The following COL4A6 variants were observed in gnomAD, a reference collection of about 807,000 sequenced individuals.
COL4A6 encodes collagen type IV alpha 6 chain, also known as collagen alpha-6(IV) chain.
A neutral mutation model predicts 126.7 loss-of-function variants in COL4A6; 59 were observed. That is an observed-to-expected ratio of 0.47 (90% CI 0.38 to 0.58). The LOEUF (loss-of-function observed/expected upper bound fraction) is 0.58. Among genes scored for constraint, COL4A6 ranks in the 20% least tolerant of loss-of-function variants. The probability of loss-of-function intolerance (pLI) is 0.00; values close to 1 mark genes in which losing one functional copy is unlikely to be tolerated. For synonymous variants in COL4A6, 547 were observed against 496.6 expected (o/e 1.10, Z -1.35); for missense variants, 1,285 against 1,337.3 (o/e 0.96, Z 0.61).
At chrX:108,177,155 C>A in intron 27 of COL4A6, 144 bp from the exon 28 acceptor site, 1 of 499,828 alleles carries the variant, frequency 2.0e-6, no homozygotes, top group Non-Finnish European at 3.3e-6. Context: ...ATGCAAACTG[C>A]TAACAGGCAG....
At chrX:108,202,847 G>T in intron 13 of COL4A6, 81 bp downstream of exon 13, 2 of 770,382 alleles carry the variant, frequency 2.6e-6, no homozygotes, top group South Asian at 4.3e-5. Flanking sequence ...ATGGGAAGAG[G>T]TCTTTCTGTT....
chrX:108,175,253 G>C, intron 29 of COL4A6, 38 bp from the exon 30 acceptor site: 2 of 1,136,686 alleles, frequency 1.8e-6, no homozygotes, highest in Non-Finnish European at 2.3e-6. Context: ...AGAGAGCTTA[G>C]ACGCAGGGTC....
rs759612766 is a variant in COL4A6 at position 108,187,954 on chromosome X, C to G, written c.1661G>C (p.Gly554Ala). Residue 554 changes from glycine to alanine, a missense_variant, in exon 22 of 45, where the codon GGA becomes GCA. By Grantham distance (60) the Gly-to-Ala change is moderately conservative. Transcript: ENST00000334504. ...AGAATCACCCCGATCTCCTGGCATT[C>G]CTTGGATTGTACTGAGAATTGGTTC... The part of the protein sequence containing the change: ...KGEPILSTIQ[G>A]MPGDRGDSGS... 8.3e-7 allele frequency: 1 copy of G among 1,209,263 alleles called. No homozygotes were observed. Among genetic ancestry groups the G allele is most frequent in the South Asian group, 1.8e-5 (1 of 56,293 alleles).
intron 3 of COL4A6, among the ~76,000 whole-genome samples, chrX:108,255,779 A>G (rs1295001322): frequency 9.0e-6 from 1 of 111,595 alleles, no homozygotes; most frequent in Non-Finnish European, 1.9e-5. Context: ...AACCACAGCC[A>G]AAACATCTGT....
At chrX:108,182,262 G>A (rs2034709481) in intron 23 of COL4A6, among the ~76,000 whole-genome samples, 2 of 112,528 alleles carry the variant, frequency 1.8e-5, no homozygotes, top group South Asian at 7.3e-4. Flanking sequence ...TTAGCACAGT[G>A]TCTAGCACTC....
At chrX:108,168,857 T>C (rs6524001) in intron 37 of COL4A6, among the ~76,000 whole-genome samples, 28,282 of 110,684 alleles carry the variant, frequency 0.26, 3,030 homozygotes, top group East Asian at 0.62. Context: ...GAGTGGAATG[T>C]ACACGGGTTT....
chrX:108,305,588 T>C (rs913191563), intron 3 of COL4A6, among the ~76,000 whole-genome samples: 1 of 111,778 alleles, frequency 8.9e-6, no homozygotes, highest in Admixed American at 9.5e-5. Flanking sequence ...GAGATCAGTC[T>C]TGAGGTTATT....
chrX:108,272,129 C>G (rs1324036773), intron 3 of COL4A6, among the ~76,000 whole-genome samples: 2 of 111,514 alleles, frequency 1.8e-5, no homozygotes, highest in Non-Finnish European at 3.8e-5. Context: ...CTGCCCCTCT[C>G]TGTTTCCATT....
chrX:108,389,754 A>C (rs1340825571), intron 2 of COL4A6, among the ~76,000 whole-genome samples: 1 of 111,266 alleles, frequency 9.0e-6, no homozygotes, highest in African/African-American at 3.3e-5. Context: ...ATTATACGTG[A>C]ATTTGATCCT....
chrX:108,378,045 A>G (rs1236997382), intron 2 of COL4A6, among the ~76,000 whole-genome samples: 1 of 105,825 alleles, frequency 9.4e-6, no homozygotes, highest in Non-Finnish European at 1.9e-5. Context: ...CCATTTGTGT[A>G]GGTGGTAGGT....
chrX:108,219,826 C>T (rs1602845740), intron 4 of COL4A6, 84 bp from the exon 5 acceptor site: 1 of 816,153 alleles, frequency 1.2e-6, no homozygotes, highest in East Asian at 3.2e-5. Context: ...GAGTCAATGG[C>T]CTACATTTTT....
At chrX:108,188,458 T>C in intron 21 of COL4A6, 59 bp downstream of exon 21, 1 of 1,025,627 alleles carries the variant, frequency 9.8e-7, no homozygotes, top group Middle Eastern at 3.6e-4. Flanking sequence ...ACTGGGGGGA[T>C]TGAAGGGCAC....
chrX:108,299,535 G>A (rs1018456895), intron 3 of COL4A6, among the ~76,000 whole-genome samples: 1 of 111,431 alleles, frequency 9.0e-6, no homozygotes, highest in Non-Finnish European at 1.9e-5. Context: ...CCAACAACTT[G>A]TGAAGGGGGT....
chrX:108,197,914 T>C (rs750573598), intron 13 of COL4A6, among the ~76,000 whole-genome samples: 4 of 110,635 alleles, frequency 3.6e-5, no homozygotes, highest in African/African-American at 1.3e-4. Context: ...CTACATTAAA[T>C]TTCTAATGTG....
intron 40 of COL4A6, 48 bp from the exon 41 acceptor site, chrX:108,163,086 G>A (rs2034014231): frequency 8.7e-7 from 1 of 1,145,907 alleles, no homozygotes; most frequent in Non-Finnish European, 1.2e-6. Context: ...GGCAGAGGGA[G>A]GTGACGGGGG....
intron 2 of COL4A6, among the ~76,000 whole-genome samples, chrX:108,353,040 T>C (rs1408873438): frequency 8.9e-6 from 1 of 112,107 alleles, no homozygotes; most frequent in Non-Finnish European, 1.9e-5. Flanking sequence ...GATGAGGTGA[T>C]GGTGAAGGCA....
chrX:108,244,873 A>G (rs2036672912), intron 3 of COL4A6, among the ~76,000 whole-genome samples: 1 of 112,090 alleles, frequency 8.9e-6, no homozygotes, highest in Non-Finnish European at 1.9e-5. Flanking sequence ...GCTTGACCCA[A>G]GGAAAAGAGA....
At position 108,179,412 on chromosome X, in the gene COL4A6, C is replaced by T. The variant is rs1279051022; in HGVS notation, c.2158G>A (p.Gly720Ser). The T allele has an allele frequency of 8.3e-7, 1 of 1,205,759 alleles. No homozygotes were observed. The highest frequency in any genetic ancestry group is 1.1e-6 in the Non-Finnish European group (1 of 893,091). The change falls in exon 26 of 45, where the codon GGC becomes AGC. Residue 720 changes from glycine (G) to serine (S), a missense_variant. Physicochemically the swap from Gly to Ser is moderately conservative, Grantham distance 56. Coordinates refer to ENST00000334504, the MANE Select transcript of COL4A6 (RefSeq NM_033641.4). The stretch of plus-strand genomic sequence containing the variant: ...GGGAGCCCAGGAAACCCAGGCAAGC[C>T]CTTCTCCCCACGAGGTCCAGGAAAT... ...PGFPGPRGEK[G>S]LPGFPGLPGK...
intron 2 of COL4A6, among the ~76,000 whole-genome samples, chrX:108,343,380 A>C (rs771275862): frequency 1.8e-5 from 2 of 110,021 alleles, no homozygotes; most frequent in East Asian, 5.7e-4. Context: ...GCAGTAAAAA[A>C]ATGATTGAGA....
Sources: allele counts gnomAD v4.1 joint callset (sites outside exome capture counted in the v4.1 genomes callset), GRCh38; gene constraint gnomAD v4.1.1; transcripts MANE v1.5; gene names NCBI Gene and HGNC (gene_info 2026-07-23, HGNC 2026-07-21).